The following ALDH1L1 variants were observed in gnomAD, a reference collection of about 807,000 sequenced individuals.
ALDH1L1 encodes aldehyde dehydrogenase 1 family member L1, also known as cytosolic 10-formyltetrahydrofolate dehydrogenase.
Under a neutral mutation model 101.1 loss-of-function variants are expected in ALDH1L1, and 68 were observed. The ratio of observed to expected loss-of-function variants is 0.67; its 90% CI spans 0.55 to 0.82. The LOEUF is 0.82. Ranked by LOEUF, ALDH1L1 falls within the 40% of genes least tolerant of loss-of-function variation. The pLI is 0.00. For missense variants in ALDH1L1, 1,087 were observed against 1,172.7 expected, an observed-to-expected ratio of 0.93 and a Z score of 1.07; for synonymous variants, 486 against 470.8, an observed-to-expected ratio of 1.03 and a Z score of -0.42.
chr3:126,189,096 C>T (rs993527495), intron 1 of ALDH1L1, among the ~76,000 whole-genome samples: 2 of 152,140 alleles, frequency 1.3e-5, no homozygotes, highest in Non-Finnish European at 2.9e-5. Flanking sequence ...GGCCAGAAGT[C>T]CAGCTCTATA....
In ALDH1L1 at chr3:126,158,565, C is replaced by T; in HGVS notation, c.202G>A (p.Asp68Asn). 6.2e-7 allele frequency: 1 copy of T among 1,614,246 alleles called. No individual in the cohort carries two copies. Among genetic ancestry groups the T allele is most frequent in the Non-Finnish European group, 8.5e-7 (1 of 1,180,036 alleles). ...AAAGCCTGGTATTTTGCCACCACAT[C>T]AGGCAAAGCCTGTCCTTTTGCACGC... ...RWRAKGQALP[D>N]VVAKYQALGA... The change falls in exon 3 of 23, where the codon GAT becomes AAT. Residue 68 changes from aspartate to asparagine, a missense_variant. By Grantham distance (23) the Asp-to-Asn change is conservative. Transcript: ENST00000393434.
intron 8 of ALDH1L1, among the ~76,000 whole-genome samples, chr3:126,147,656 G>A (rs563731217): frequency 1.3e-5 from 2 of 152,264 alleles, no homozygotes; most frequent in African/African-American, 2.4e-5. Flanking sequence ...GCAATATCAG[G>A]CCAGGTCCCC....
Position 126,146,964 on chromosome 3 carries a change from G to A in ALDH1L1, c.985-38C>T, listed in dbSNP as rs778025924. The A allele has an allele frequency of 5.0e-6, 8 of 1,592,610 alleles. No individual in the cohort carries two copies. The African/African-American group carries it at 9.4e-5, about 19-fold the overall frequency. On this transcript the variant is annotated intron_variant, in intron 8 of 22. Transcript: ENST00000393434. ...ACCTGATGAGAGGCTGGCCCCAGGG[G>A]AGCTGGGGACAAGTGCCACTCCAGG... is the stretch of plus-strand genomic sequence containing the variant.
rs13342929 is a variant in ALDH1L1, at chr3:126,116,304, G to A, written c.1983-1648C>T. Among the ~76,000 whole-genome samples the A allele has an allele frequency of 3.6e-3, 542 of 151,740 alleles. 2 individuals carry two copies. Among genetic ancestry groups the A allele is most frequent in the African/African-American group, 0.012 (503 of 41,300 alleles). On this transcript the variant is annotated intron_variant, in intron 17 of 22. Transcript: ENST00000393434. ...TGTTGCCCAGGCTGGAGTGCAGTGC[G>A]TGATCTCGGCTCATTTAGCTTCCGT...
intron 1 of ALDH1L1, among the ~76,000 whole-genome samples, chr3:126,168,000 A>G (rs1409488467): frequency 5.3e-5 from 8 of 152,278 alleles, no homozygotes; most frequent in Non-Finnish European, 1.5e-5. Context: ...TAAAACTGCT[A>G]AACATGGATT....
intron 12 of ALDH1L1, 76 bp downstream of exon 12, chr3:126,135,459 C>T: frequency 1.3e-6 from 2 of 1,552,066 alleles, no homozygotes; most frequent in Non-Finnish European, 1.7e-6. Context: ...AAAAGGGCCT[C>T]CACAGAAGTC....
upstream of ALDH1L1, among the ~76,000 whole-genome samples, chr3:126,185,762 AAC>A (rs2081513778): frequency 6.6e-6 from 1 of 152,224 alleles, no homozygotes; most frequent in Admixed American, 6.5e-5. Context: ...GGGCAATTTC[AAC>A]AGCATTCCAG....
At chr3:126,183,357 C>T (rs1421435452), upstream of ALDH1L1, among the ~76,000 whole-genome samples, 6 of 151,902 alleles carry the variant, frequency 3.9e-5, no homozygotes, top group Admixed American at 3.9e-4. Flanking sequence ...TAGACTTGGA[C>T]TGAAAGGGTC....
intron 1 of ALDH1L1, among the ~76,000 whole-genome samples, chr3:126,171,740 T>A (rs994707642): frequency 6.6e-6 from 1 of 152,126 alleles, no homozygotes; most frequent in Admixed American, 6.6e-5. Context: ...ACCTAAGTGA[T>A]GAGGAAAAAC....
chr3:126,154,486 G>T lies in ALDH1L1; in HGVS notation c.720+68C>A, dbSNP rs2080866416. 6.1e-6 allele frequency: 9 copies of T among 1,478,040 alleles called. No homozygotes were observed. In the South Asian group the frequency reaches 1.0e-4, roughly 17 times the overall value. The allele number at this position is 1,478,040 out of a possible 1,614,324, so 91.6% of individuals were successfully genotyped here. A position where few individuals can be genotyped will look rare whatever the true frequency, so the allele number is the denominator to read the frequency against. On this transcript the variant is annotated intron_variant, in intron 6 of 22. Coordinates refer to ENST00000393434, the MANE Select transcript of ALDH1L1 (RefSeq NM_012190.4). ...ATTATACCAACCAGTTCAAACATGT[G>T]TGACAGTTTAATGGCCAGTGGGATA...
At chr3:126,106,120 G>C (rs1945862036) in intron 21 of ALDH1L1, among the ~76,000 whole-genome samples, 195 bp from the exon 22 acceptor site, 1 of 152,232 alleles carries the variant, frequency 6.6e-6, no homozygotes, top group South Asian at 2.1e-4. Context: ...CCCATGGGCA[G>C]GTGGCCACCA....
intron 7 of ALDH1L1, 70 bp downstream of exon 7, chr3:126,153,374 G>A (rs1251218477): frequency 2.5e-6 from 4 of 1,602,556 alleles, no homozygotes; most frequent in Non-Finnish European, 3.4e-6. Context: ...GTCTTCCTGT[G>A]AGGCCTGAGT....
intron 20 of ALDH1L1, among the ~76,000 whole-genome samples, chr3:126,109,379 CT>C (rs1016346978): frequency 9.2e-5 from 14 of 152,128 alleles, no homozygotes; most frequent in Non-Finnish European, 1.9e-4. Flanking sequence ...TTGCAATGAC[CT>C]TTGAGTTTGA....
intron 1 of ALDH1L1, 48 bp downstream of exon 1, chr3:126,180,428 C>A: frequency 1.0e-6 from 1 of 987,796 alleles, no homozygotes; most frequent in Non-Finnish European, 1.2e-6. Flanking sequence ...GCCGGGGCAG[C>A]CTCCTTTCCG....
At chr3:126,181,332 A>C, upstream of ALDH1L1, 3 of 375,242 alleles carry the variant, frequency 8.0e-6, no homozygotes, top group South Asian at 2.6e-5. Flanking sequence ...TTCCCACCAC[A>C]CCTGCGGCCG....
intron 19 of ALDH1L1, among the ~76,000 whole-genome samples, chr3:126,110,620 G>C (rs1468030041): frequency 6.6e-6 from 1 of 152,040 alleles, no homozygotes; most frequent in Non-Finnish European, 1.5e-5. Flanking sequence ...CTCCTCCAAG[G>C]CCAGGGCATC....
chr3:126,103,820 G>A lies in ALDH1L1; in HGVS notation c.2680C>T (p.Arg894Trp), dbSNP rs1247331431. Residue 894 changes from arginine (R) to tryptophan (W), a missense_variant, in exon 23 of 23, where the codon CGG becomes TGG. Transcript: ENST00000393434. ...LGEAALNEYLRVKTVTFEY is the reference protein window; with the variant it reads ...LGEAALNEYLWVKTVTFEY ...TATTCGAAGGTCACTGTCTTGACCC[G>A]CAGGTACTCGTTCAGAGCCGCCTCT... The A allele has an allele frequency of 2.5e-6, 4 of 1,613,568 alleles. No individual in the cohort carries two copies. Among genetic ancestry groups the A allele is most frequent in the Middle Eastern group, 1.7e-4 (1 of 6,060 alleles).
intron 1 of ALDH1L1, among the ~76,000 whole-genome samples, chr3:126,191,541 C>T (rs1321056201): frequency 1.3e-5 from 2 of 152,174 alleles, no homozygotes; most frequent in Admixed American, 1.3e-4. Context: ...GACTGCCCTC[C>T]CATGGTGCAG....
chr3:126,185,556 T>G (rs542918403), upstream of ALDH1L1, among the ~76,000 whole-genome samples: 23 of 149,272 alleles, frequency 1.5e-4, no homozygotes, highest in Non-Finnish European at 2.5e-4. Context: ...ACGTTCCAGT[T>G]GGAGAGAATG....
Sources: allele counts gnomAD v4.1 joint callset (sites outside exome capture counted in the v4.1 genomes callset), GRCh38; gene constraint gnomAD v4.1.1; transcripts MANE v1.5; gene names NCBI Gene and HGNC (gene_info 2026-07-23, HGNC 2026-07-21).